The following DPP10 variants were observed in gnomAD, a reference collection of about 807,000 sequenced individuals.
DPP10 encodes the protein dipeptidyl peptidase like 10.
In DPP10, 33 loss-of-function variants were observed where a neutral mutation model predicts 120.9. The observed-to-expected ratio is 0.27, with a 90% CI of 0.21 to 0.37. The LOEUF (loss-of-function observed/expected upper bound fraction) is 0.37, where lower values mean the gene tolerates loss of function less well. Among genes scored for constraint, DPP10 ranks in the 10% least tolerant of loss-of-function variants. The pLI is 1.00. For missense variants in DPP10, 816 were observed against 942.8 expected (o/e 0.87, Z 1.76); for synonymous variants, 337 against 326.1 (o/e 1.03, Z -0.36).
At chr2:115,706,660 G>C (rs1203291763) in intron 7 of DPP10, among the ~76,000 whole-genome samples, 1 of 151,974 alleles carries the variant, frequency 6.6e-6, no homozygotes, top group Non-Finnish European at 1.5e-5. Context: ...GGTTAACCTA[G>C]AGTGATATGT....
At chr2:114,774,042 T>C (rs72830399) in intron 1 of DPP10, among the ~76,000 whole-genome samples, 2,317 of 152,204 alleles carry the variant, frequency 0.015, 25 homozygotes, top group Middle Eastern at 0.034. Flanking sequence ...TTGATATATA[T>C]GTATTTGAAT....
chr2:115,217,260 T>A (rs1186203685), intron 1 of DPP10, among the ~76,000 whole-genome samples: 2 of 152,214 alleles, frequency 1.3e-5, no homozygotes, highest in Non-Finnish European at 2.9e-5. Flanking sequence ...TTTCTTCATC[T>A]GTAAAAGGAT....
At chr2:114,823,755 C>A (rs1477978846) in intron 1 of DPP10, among the ~76,000 whole-genome samples, 1 of 152,130 alleles carries the variant, frequency 6.6e-6, no homozygotes, top group Non-Finnish European at 1.5e-5. Context: ...TAGGACTACC[C>A]AGTAGGAGCT....
At chr2:115,333,417 A>G (rs953841403) in intron 2 of DPP10, among the ~76,000 whole-genome samples, 4 of 152,076 alleles carry the variant, frequency 2.6e-5, no homozygotes, top group African/African-American at 4.8e-5. Flanking sequence ...CATTTGGCCC[A>G]TTTACATTTA....
intron 1 of DPP10, among the ~76,000 whole-genome samples, chr2:114,802,483 C>T (rs1476171002): frequency 6.7e-6 from 1 of 150,174 alleles, no homozygotes; most frequent in East Asian, 2.0e-4. Context: ...GGATTCTATC[C>T]TCTTCCCTGC....
intron 1 of DPP10, among the ~76,000 whole-genome samples, chr2:114,680,786 G>A (rs1338408401): frequency 1.3e-5 from 2 of 151,896 alleles, no homozygotes; most frequent in African/African-American, 4.8e-5. Flanking sequence ...CAATCAACCA[G>A]ATTACAACTG....
At chr2:114,936,154 C>T (rs1352173774) in intron 1 of DPP10, among the ~76,000 whole-genome samples, 3 of 152,030 alleles carry the variant, frequency 2.0e-5, no homozygotes, top group East Asian at 1.9e-4. Context: ...CCACCCTTTC[C>T]CCAAGTCCCC....
chr2:114,947,543 C>T (rs1697459833), intron 1 of DPP10, among the ~76,000 whole-genome samples: 1 of 151,914 alleles, frequency 6.6e-6, no homozygotes, highest in East Asian at 1.9e-4. Flanking sequence ...TACCTATTCT[C>T]CATCCTCATT....
chr2:115,174,305 A>G (rs115508619), intron 1 of DPP10, among the ~76,000 whole-genome samples: 300 of 152,342 alleles, frequency 2.0e-3, no homozygotes, highest in African/African-American at 6.9e-3. Flanking sequence ...TGGTTCTCGT[A>G]TAAGTATGTA....
intron 1 of DPP10, among the ~76,000 whole-genome samples, chr2:114,989,999 T>C (rs1574644944): frequency 6.6e-6 from 1 of 152,306 alleles, no homozygotes; most frequent in East Asian, 1.9e-4. Flanking sequence ...CATATATCTT[T>C]TATTACATTA....
intron 1 of DPP10, among the ~76,000 whole-genome samples, chr2:114,892,869 G>T (rs1223217524): frequency 6.6e-6 from 1 of 152,062 alleles, no homozygotes; most frequent in Non-Finnish European, 1.5e-5. Flanking sequence ...CCAAAAAATG[G>T]CAGTGATGGG....
intron 1 of DPP10, among the ~76,000 whole-genome samples, chr2:114,499,344 AT>A (rs1682953285): frequency 6.6e-6 from 1 of 151,454 alleles, no homozygotes; most frequent in Admixed American, 6.6e-5. Context: ...GTGTAGATGC[AT>A]TTTTCTCCCT....
chr2:115,633,183 A>G (rs2086029966), intron 5 of DPP10, among the ~76,000 whole-genome samples: 1 of 152,224 alleles, frequency 6.6e-6, no homozygotes, highest in Non-Finnish European at 1.5e-5. Context: ...AACCAACCCA[A>G]ATGTCCACCA....
intron 3 of DPP10, among the ~76,000 whole-genome samples, chr2:115,394,020 A>T (rs2067497452): frequency 6.6e-6 from 1 of 152,240 alleles, no homozygotes; most frequent in Non-Finnish European, 1.5e-5. Context: ...TGAGATAAAA[A>T]TTATGCAGAG....
intron 1 of DPP10, among the ~76,000 whole-genome samples, chr2:114,519,725 G>A (rs1196529989): frequency 1.3e-5 from 2 of 152,204 alleles, no homozygotes; most frequent in African/African-American, 2.4e-5. Flanking sequence ...ATAGCATGGA[G>A]CATCATCCAC....
chr2:115,095,386 G>A (rs1709633000), intron 1 of DPP10, among the ~76,000 whole-genome samples: 1 of 152,108 alleles, frequency 6.6e-6, no homozygotes. Flanking sequence ...GGCTTTGGGA[G>A]GAGTGTGAGG....
At chr2:115,607,882 A>AT (rs1429486706) in intron 5 of DPP10, among the ~76,000 whole-genome samples, 1 of 152,220 alleles carries the variant, frequency 6.6e-6, no homozygotes, top group Non-Finnish European at 1.5e-5. Context: ...AAACCAGAGA[A>AT]TGATTAACTT....
chr2:115,626,868 A>C (rs2149302207), intron 5 of DPP10, among the ~76,000 whole-genome samples: 1 of 152,332 alleles, frequency 6.6e-6, no homozygotes, highest in South Asian at 2.1e-4. Context: ...GTTTGTGCAT[A>C]TAATGAACAG....
At chr2:114,788,133 G>A (rs907083388) in intron 1 of DPP10, among the ~76,000 whole-genome samples, 7 of 152,030 alleles carry the variant, frequency 4.6e-5, no homozygotes, top group African/African-American at 1.7e-4. Context: ...ATGATGTGCT[G>A]ATATTCTATT....
Sources: gnomAD v4.1 joint callset for allele counts (sites outside exome capture counted in the v4.1 genomes callset) on GRCh38, gnomAD v4.1.1 for gene constraint, MANE v1.5 for transcripts, NCBI Gene and HGNC (gene_info 2026-07-23, HGNC 2026-07-21) for gene names.